SIGLEC1: variants seen among roughly 807,000 people sequenced by gnomAD.
SIGLEC1 encodes sialoadhesin.
A neutral mutation model predicts 148.0 loss-of-function variants in SIGLEC1; 132 were observed. The observed-to-expected ratio is 0.89, with a 90% CI of 0.77 to 1.03. The LOEUF (loss-of-function observed/expected upper bound fraction) is 1.03, where lower values mean the gene tolerates loss of function less well. SIGLEC1 is among the 50% of genes least tolerant of loss of function. The pLI is 0.00. For synonymous variants in SIGLEC1, 945 were observed against 969.0 expected, an observed-to-expected ratio of 0.98 and a Z score of 0.46; for missense variants, 2,253 against 2,271.4, an observed-to-expected ratio of 0.99 and a Z score of 0.16.
chr20:3,692,943 G>T lies in SIGLEC1; in HGVS notation c.3697C>A (p.Pro1233Thr). 6.2e-7 allele frequency: 1 copy of T among 1,612,646 alleles called. No individual in the cohort carries two copies. The highest frequency in any genetic ancestry group is 8.5e-7 in the Non-Finnish European group (1 of 1,179,932). ...TLRLELRGPQPRDEGFYSCSA... is the reference protein window; with the variant it reads ...TLRLELRGPQTRDEGFYSCSA... The stretch of plus-strand genomic sequence containing the variant: ...CAGCTGTAGAAACCCTCATCCCTGG[G>T]CTGTGGCCCTCGCAGCTCCAGGCGC... The change falls in exon 15 of 22, where the codon CCC becomes ACC. Residue 1233 changes from proline to threonine, a missense_variant. Physicochemically the swap from Pro to Thr is conservative, Grantham distance 38. Transcript: ENST00000344754.
chr20:3,694,110 T>G, intron 13 of SIGLEC1, 111 bp downstream of exon 13: 1 of 1,189,642 alleles, frequency 8.4e-7, no homozygotes. Context: ...AGGGTGGGAA[T>G]GGGGACTATT....
In SIGLEC1 at chr20:3,694,940, A is replaced by G. The variant is rs1248231352; in HGVS notation, c.2684-17T>C. On this transcript the variant is annotated splice_polypyrimidine_tract_variant and intron_variant, in intron 11 of 21. Coordinates refer to ENST00000344754, the MANE Select transcript of SIGLEC1 (RefSeq NM_023068.4). ...CCCAGGCTCCTGCAGGGGAAAACCA[A>G]GAGCAGGTGAGGGCTCTCCACCACA... The G allele has an allele frequency of 6.2e-7, 1 of 1,603,634 alleles. No individual in the cohort carries two copies. Among genetic ancestry groups the G allele is most frequent in the Admixed American group, 1.7e-5 (1 of 59,228 alleles).
At chr20:3,689,054 G>A (rs1400491698) in intron 21 of SIGLEC1, 101 bp downstream of exon 21, 2 of 1,030,298 alleles carry the variant, frequency 1.9e-6, no homozygotes, top group African/African-American at 3.1e-5. Context: ...ACCTCCCCTT[G>A]GTCCCAGGCA....
At position 3,703,330 on chromosome 20, in the gene SIGLEC1, G is replaced by A; in HGVS notation, c.1095C>T (p.Val365=). 1.9e-6 allele frequency: 3 copies of A among 1,614,152 alleles called. No individual in the cohort carries two copies. The highest frequency in any genetic ancestry group is 2.5e-6 in the Non-Finnish European group (3 of 1,180,014). The change falls in exon 6 of 22, where the codon GTC becomes GTT. Residue 365 remains valine, a synonymous_variant. Transcript: ENST00000344754. ...DLRYSWYKNH[V]LLEDAHSHTL... ...TATGGGAGTGGGCATCCTCCAGCAG[G>A]ACATGGTTCTTGTACCAGCTGTAGC... is the stretch of plus-strand genomic sequence containing the variant.
chr20:3,695,365 G>A (rs933310012), intron 11 of SIGLEC1, among the ~76,000 whole-genome samples: 15 of 152,202 alleles, frequency 9.9e-5, no homozygotes, highest in Admixed American at 9.2e-4. Context: ...ATGGGTGACC[G>A]AGGGCTTGGA....
intron 17 of SIGLEC1, 74 bp downstream of exon 17, chr20:3,691,829 G>A (rs1245452731): frequency 1.3e-6 from 2 of 1,489,278 alleles, no homozygotes; most frequent in Non-Finnish European, 1.8e-6. Context: ...CGCTCTAGTG[G>A]GAGCTCCAGC....
chr20:3,692,120 A>G lies in SIGLEC1; in HGVS notation c.4113T>C (p.Ser1371=). Residue 1371 remains serine, a synonymous_variant, in exon 17 of 22, where the codon AGT becomes AGC. Transcript: ENST00000344754. Reference sequence around the variant, plus strand: ...ATAGGGCCAGCTCAGCAGGTGGCTCACTGTCCACAGTGCACTGTATCACAG... The same window carrying G: ...ATAGGGCCAGCTCAGCAGGTGGCTCGCTGTCCACAGTGCACTGTATCACAG... The part of the protein sequence containing the change: ...SMAVIQCTVD[S]EPPAELALSH... 4 of 1,606,528 alleles carry G rather than the reference A, an allele frequency of 2.5e-6. No individual in the cohort carries two copies. Among genetic ancestry groups the G allele is most frequent in the Non-Finnish European group, 3.4e-6 (4 of 1,178,392 alleles).
intron 7 of SIGLEC1, among the ~76,000 whole-genome samples, chr20:3,699,922 TGCCTCAGCCTCCCAAG>T (rs141738561): frequency 0.15 from 22,743 of 151,530 alleles, 3,611 homozygotes; most frequent in African/African-American, 0.39. Context: ...GCGATTCTCC[TGCCTCAGCCTCCCAAG>T]TAGCTGGGAT....
rs1009637483 is a variant in SIGLEC1 at position 3,696,498 on chromosome 20, C to T, written c.2683+88G>A. The T allele has an allele frequency of 5.2e-6, 7 of 1,349,158 alleles. No homozygotes were observed. In the African/African-American group the frequency reaches 7.3e-5, roughly 14 times the overall value. The allele number at this position is 1,349,158 out of a possible 1,614,324, so 83.6% of individuals were successfully genotyped here. A position where few individuals can be genotyped will look rare whatever the true frequency, so the allele number is the denominator to read the frequency against. ...GGACTGAAAAAGACATATTTCTGCACAAAATTCACAGCACCCAGCCCAAAG... is the reference window on the plus strand; with the variant it reads ...GGACTGAAAAAGACATATTTCTGCATAAAATTCACAGCACCCAGCCCAAAG... On this transcript the variant is annotated intron_variant, in intron 11 of 21. Transcript: ENST00000344754.
intron 1 of SIGLEC1, among the ~76,000 whole-genome samples, chr20:3,709,861 C>G (rs1396196553): frequency 6.6e-6 from 1 of 152,144 alleles, no homozygotes; most frequent in Non-Finnish European, 1.5e-5. Flanking sequence ...TACGTATATT[C>G]AGAGACTGAA....
rs371507046 is a variant in SIGLEC1, at chr20:3,696,141, A to ACACACACACAC, written c.2683+444_2683+445insGTGTGTGTGTG. ...GAGACTATATATATACACACACACA[A>ACACACACACAC]ACACACACACACACACACACACACA... On this transcript the variant is annotated intron_variant, in intron 11 of 21. Transcript: ENST00000344754. 6.2e-3 allele frequency among the ~76,000 whole-genome samples: 903 copies of ACACACACACAC among 145,142 alleles called. 6 individuals are homozygous for ACACACACACAC. The highest frequency in any genetic ancestry group is 0.017 in the African/African-American group (676 of 39,432).
rs1265637440 is a variant in SIGLEC1 at position 3,701,329 on chromosome 20, G to T, written c.1528+13C>A. 6.9e-6 allele frequency: 11 copies of T among 1,594,162 alleles called. No individual in the cohort carries two copies. Among genetic ancestry groups the T allele is most frequent in the Non-Finnish European group, 9.4e-6 (11 of 1,168,526 alleles). ...CTCCCTCCACTCTCCCTGGCTGCCA[G>T]TGCCCATCTTACCATTGGCATGGAA... On this transcript the variant is annotated intron_variant, in intron 7 of 21. Transcript: ENST00000344754.
At chr20:3,701,744 C>A in intron 6 of SIGLEC1, 103 bp from the exon 7 acceptor site, 1 of 1,183,248 alleles carries the variant, frequency 8.5e-7, no homozygotes, top group East Asian at 2.7e-5. Flanking sequence ...CCACACTGCC[C>A]TGTGAGAAGG....
rs779338323 is a variant in SIGLEC1 at position 3,697,299 on chromosome 20, G to A, written c.2166C>T (p.Gly722=). ...AIAPSHTLQE[G]TEANLTCNVS... ...CGTTGCAAGTCAAGTTGGCTTCTGTGCCCTCCTGAAGTGTGTGTGATGGTG... is the reference window on the plus strand; with the variant it reads ...CGTTGCAAGTCAAGTTGGCTTCTGTACCCTCCTGAAGTGTGTGTGATGGTG... The change falls in exon 10 of 22, where the codon GGC becomes GGT. Residue 722 remains glycine, a synonymous_variant. Coordinates refer to ENST00000344754, the MANE Select transcript of SIGLEC1 (RefSeq NM_023068.4). 6 of 1,613,950 alleles carry A rather than the reference G, an allele frequency of 3.7e-6. No individual in the cohort carries two copies. The highest frequency in any genetic ancestry group is 5.1e-6 in the Non-Finnish European group (6 of 1,180,024).
Position 3,696,815 on chromosome 20 carries a change from A to G in SIGLEC1, c.2454T>C (p.Thr818=). 4 of 1,607,044 alleles carry G rather than the reference A, an allele frequency of 2.5e-6. No individual in the cohort carries two copies. Among genetic ancestry groups the G allele is most frequent in the Non-Finnish European group, 3.4e-6 (4 of 1,176,358 alleles). ...GCAAGGCCAGGGGGCGGCTGTCCACAGTGCAGATGAACAGAGCCATGTGGC... is the reference window on the plus strand; with the variant it reads ...GCAAGGCCAGGGGGCGGCTGTCCACGGTGCAGATGAACAGAGCCATGTGGC... ...GQGHMALFIC[T]VDSRPLALLA... The change falls in exon 11 of 22, where the codon ACT becomes ACC. Residue 818 remains threonine, a synonymous_variant. Coordinates refer to ENST00000344754, the MANE Select transcript of SIGLEC1 (RefSeq NM_023068.4).
chr20:3,689,722 T>C lies in SIGLEC1; in HGVS notation c.4895-20A>G. The stretch of plus-strand genomic sequence containing the variant: ...GCAGGGCTGGAACACAGAGCGGGAC[T>C]CAGAGCAGCCACAGCTGCAGGCCCC... On this transcript the variant is annotated intron_variant, in intron 19 of 21. Transcript: ENST00000344754. 1 of 1,552,620 alleles carries C rather than the reference T, an allele frequency of 6.4e-7. No individual in the cohort carries two copies. Among genetic ancestry groups the C allele is most frequent in the African/African-American group, 1.4e-5 (1 of 73,614 alleles).
chr20:3,688,647 G>A, intron 21 of SIGLEC1, 28 bp from the exon 22 acceptor site: 1 of 1,557,582 alleles, frequency 6.4e-7, no homozygotes, highest in Non-Finnish European at 8.7e-7. Flanking sequence ...CCTGGTCACA[G>A]GAGGCCTCTG....
intron 19 of SIGLEC1, 101 bp downstream of exon 19, chr20:3,689,861 A>C: frequency 8.2e-7 from 1 of 1,217,708 alleles, no homozygotes; most frequent in South Asian, 1.4e-5. Context: ...TCGACAGGCA[A>C]ATCATGCTGC....
Position 3,705,788 on chromosome 20 carries a change from A to T in SIGLEC1, c.662T>A (p.Val221Glu). The T allele has an allele frequency of 6.2e-7, 1 of 1,613,662 alleles. No homozygotes were observed. Among genetic ancestry groups the T allele is most frequent in the Non-Finnish European group, 8.5e-7 (1 of 1,179,792 alleles). Reference protein sequence around the residue: ...HGRILRCQLSVANHRAQSEIH... With the variant: ...HGRILRCQLSEANHRAQSEIH... ...CTCGCTCTGAGCCCTGTGATTGGCC[A>T]CGGAGAGCTGGCAGCGCAGGATCCG... The change falls in exon 4 of 22, where the codon GTG (valine) becomes GAG (glutamate). Residue 221 changes from valine to glutamate, a missense_variant. Physicochemically the swap from Val to Glu is moderately radical, Grantham distance 121 (BLOSUM62 -2). Coordinates refer to ENST00000344754, the MANE Select transcript of SIGLEC1 (RefSeq NM_023068.4).
Sources: allele counts gnomAD v4.1 joint callset (sites outside exome capture counted in the v4.1 genomes callset), GRCh38; gene constraint gnomAD v4.1.1; transcripts MANE v1.5; gene names NCBI Gene and HGNC (gene_info 2026-07-23, HGNC 2026-07-21).